The following PIP4K2A variants were observed in gnomAD, a reference collection of about 807,000 sequenced individuals.
PIP4K2A encodes phosphatidylinositol-5-phosphate 4-kinase type 2 alpha, also known as phosphatidylinositol 5-phosphate 4-kinase type-2 alpha.
PIP4K2A carries 14 observed loss-of-function variants against 42.9 expected under a neutral mutation model. The ratio of observed to expected loss-of-function variants is 0.33; its 90% CI spans 0.22 to 0.51. The LOEUF is 0.51. PIP4K2A is among the 20% of genes least tolerant of loss of function. The pLI, the probability that PIP4K2A is intolerant of heterozygous loss-of-function variation, is 0.97. For synonymous variants in PIP4K2A, 192 were observed against 192.2 expected, an observed-to-expected ratio of 1.00 and a Z score of 0.01; for missense variants, 434 against 519.8, an observed-to-expected ratio of 0.83 and a Z score of 1.61.
chr10:22,545,312 T>G (rs1564414084), intron 7 of PIP4K2A, among the ~76,000 whole-genome samples: 1 of 152,238 alleles, frequency 6.6e-6, no homozygotes, highest in Non-Finnish European at 1.5e-5. Flanking sequence ...GACGATTACC[T>G]TAACAGGAAG....
intron 1 of PIP4K2A, among the ~76,000 whole-genome samples, chr10:22,644,736 G>C (rs1239174745): frequency 6.6e-6 from 1 of 152,180 alleles, no homozygotes; most frequent in East Asian, 1.9e-4. Flanking sequence ...AGGACAGTAG[G>C]GATCTAGTCT....
intron 1 of PIP4K2A, among the ~76,000 whole-genome samples, chr10:22,658,326 T>C (rs556057361): frequency 4.6e-5 from 7 of 152,350 alleles, no homozygotes; most frequent in African/African-American, 1.2e-4. Flanking sequence ...CAAGCAAGGT[T>C]ATTACCGGAA....
At position 22,697,632 on chromosome 10, in the gene PIP4K2A, A is replaced by G. The variant is rs189141629; in HGVS notation, c.144+16551T>C. ...CCCAGCTATTACAGGAGGCTGAAGC[A>G]GGAGAATCACTTGTACCCAAGAATT... is the stretch of plus-strand genomic sequence containing the variant. On this transcript the variant is annotated intron_variant, in intron 1 of 9. Transcript: ENST00000376573. 1.9e-4 allele frequency among the ~76,000 whole-genome samples: 29 copies of G among 152,302 alleles called. No individual in the cohort carries two copies. The East Asian group carries it at 5.4e-3, about 28-fold the overall frequency.
chr10:22,671,624 T>C (rs1839451909), intron 1 of PIP4K2A, among the ~76,000 whole-genome samples: 1 of 151,946 alleles, frequency 6.6e-6, no homozygotes, highest in African/African-American at 2.4e-5. Context: ...GGCAAAGGGG[T>C]ACAACCAGAT....
intron 6 of PIP4K2A, among the ~76,000 whole-genome samples, chr10:22,552,768 T>C (rs1172258143): frequency 6.6e-6 from 1 of 152,162 alleles, no homozygotes; most frequent in African/African-American, 2.4e-5. Context: ...ACCTTGGGCA[T>C]TTCTGTGTCA....
In PIP4K2A at chr10:22,596,319, G is replaced by A. The variant is rs112013606; in HGVS notation, c.340-4538C>T. Among the ~76,000 whole-genome samples the A allele has an allele frequency of 4.6e-5, 7 of 151,842 alleles. 1 individual carries two copies. Among genetic ancestry groups the A allele is most frequent in the African/African-American group, 1.7e-4 (7 of 41,412 alleles). ...CAGGACAACCGTCCCAAGAAACAGA[G>A]TCCGATCAGAAGACAGTACAACCAT... On this transcript the variant is annotated intron_variant, in intron 3 of 9. Coordinates refer to ENST00000376573, the MANE Select transcript of PIP4K2A (RefSeq NM_005028.5).
intron 1 of PIP4K2A, among the ~76,000 whole-genome samples, chr10:22,622,234 G>A (rs906067064): frequency 2.6e-5 from 4 of 152,214 alleles, no homozygotes; most frequent in African/African-American, 9.6e-5. Flanking sequence ...CCTCTGTGCC[G>A]GTGGCCACTC....
intron 8 of PIP4K2A, among the ~76,000 whole-genome samples, chr10:22,540,896 GA>G (rs1199612348): frequency 6.6e-6 from 1 of 152,130 alleles, no homozygotes. Flanking sequence ...TGAACAGTAA[GA>G]AAAGTACATT....
intron 1 of PIP4K2A, chr10:22,661,641 G>A (rs370923117): frequency 3.9e-5 from 6 of 152,316 alleles, no homozygotes; most frequent in African/African-American, 1.4e-4. Context: ...GGGATTACTG[G>A]TGTGAGCCAC....
At chr10:22,611,758 A>G (rs1838046471) in intron 1 of PIP4K2A, among the ~76,000 whole-genome samples, 1 of 152,268 alleles carries the variant, frequency 6.6e-6, no homozygotes, top group African/African-American at 2.4e-5. Flanking sequence ...AGTTTGAAAA[A>G]TAACAGAAAA....
intron 6 of PIP4K2A, among the ~76,000 whole-genome samples, chr10:22,564,187 G>C (rs1170691053): frequency 6.6e-6 from 1 of 152,178 alleles, no homozygotes; most frequent in Non-Finnish European, 1.5e-5. Flanking sequence ...TGAATGTCCT[G>C]CTTTGCAGGA....
At chr10:22,572,915 T>G (rs1564426064) in intron 5 of PIP4K2A, among the ~76,000 whole-genome samples, 2 of 152,086 alleles carry the variant, frequency 1.3e-5, no homozygotes, top group African/African-American at 4.8e-5. Context: ...TTTAAAACCC[T>G]CCCCCTCTTT....
chr10:22,683,375 C>T (rs1323110472), intron 1 of PIP4K2A, among the ~76,000 whole-genome samples: 1 of 152,178 alleles, frequency 6.6e-6, no homozygotes, highest in Admixed American at 6.5e-5. Context: ...GTTTTCGCAA[C>T]TCAGAGGTGG....
chr10:22,663,635 G>A (rs1160767341), intron 1 of PIP4K2A, among the ~76,000 whole-genome samples: 1 of 151,804 alleles, frequency 6.6e-6, no homozygotes, highest in Admixed American at 6.6e-5. Context: ...TATCATCTAG[G>A]GATAGTCACT....
intron 1 of PIP4K2A, among the ~76,000 whole-genome samples, chr10:22,664,150 T>TATATACATATATATATACATATATATAC (rs1839286959): frequency 9.2e-5 from 2 of 21,736 alleles, no homozygotes; most frequent in Admixed American, 7.4e-4. Flanking sequence ...TACATATATA[T>TATATACATATATATATACATATATATAC]ACACATATAT....
intron 3 of PIP4K2A, among the ~76,000 whole-genome samples, chr10:22,593,805 G>A (rs55896828): frequency 0.013 from 1,905 of 152,346 alleles, 23 homozygotes; most frequent in Middle Eastern, 0.065. Flanking sequence ...AGCAGACCAA[G>A]TGGAACAGAC....
At chr10:22,625,008 C>A (rs567465119) in intron 1 of PIP4K2A, among the ~76,000 whole-genome samples, 1 of 152,258 alleles carries the variant, frequency 6.6e-6, no homozygotes, top group African/African-American at 2.4e-5. Context: ...ACACAATAAA[C>A]TTCCAATAAG....
At chr10:22,692,643 AAT>A (rs1206439913) in intron 1 of PIP4K2A, among the ~76,000 whole-genome samples, 1 of 152,200 alleles carries the variant, frequency 6.6e-6, no homozygotes, top group Admixed American at 6.5e-5. Flanking sequence ...TTGGGGCTTC[AAT>A]AGAGTACTAC....
intron 1 of PIP4K2A, among the ~76,000 whole-genome samples, chr10:22,657,552 A>G (rs756558372): frequency 1.4e-4 from 22 of 152,232 alleles, no homozygotes; most frequent in Non-Finnish European, 2.9e-4. Flanking sequence ...ATTCCAAAGC[A>G]AAGACAGACG....
Sources: allele counts gnomAD v4.1 joint callset (sites outside exome capture counted in the v4.1 genomes callset), GRCh38; gene constraint gnomAD v4.1.1; transcripts MANE v1.5; gene names NCBI Gene and HGNC (gene_info 2026-07-23, HGNC 2026-07-21).